The following FGD5 variants were observed in gnomAD, a reference collection of about 807,000 sequenced individuals.
FGD5 encodes FYVE, RhoGEF and PH domain containing 5, also known as FYVE, RhoGEF and PH domain-containing protein 5.
Under a neutral mutation model 133.4 loss-of-function variants are expected in FGD5, and 28 were observed. The ratio of observed to expected loss-of-function variants is 0.21; its 90% CI spans 0.16 to 0.29. FGD5 has a LOEUF of 0.29. Ranked by LOEUF, FGD5 falls within the 10% of genes least tolerant of loss-of-function variation. The pLI, the probability that FGD5 is intolerant of heterozygous loss-of-function variation, is 1.00. For synonymous variants in FGD5, 810 were observed against 776.5 expected, an observed-to-expected ratio of 1.04 and a Z score of -0.72; for missense variants, 1,858 against 1,895.2, an observed-to-expected ratio of 0.98 and a Z score of 0.36.
chr3:14,838,202 T>C (rs1391383680), intron 1 of FGD5, among the ~76,000 whole-genome samples: 5 of 152,124 alleles, frequency 3.3e-5, no homozygotes, highest in Non-Finnish European at 7.4e-5. Flanking sequence ...CTGCACTCCT[T>C]CCCCTGTTTT....
Position 14,922,904 on chromosome 3 carries a change from G to T in FGD5, c.3808-142G>T. The T allele has an allele frequency of 8.4e-7, 1 of 1,191,484 alleles. No homozygotes were observed. The highest frequency in any genetic ancestry group is 1.2e-6 in the Non-Finnish European group (1 of 836,448). The allele number at this position is 1,191,484 out of a possible 1,614,324, so 73.8% of individuals were successfully genotyped here. A position where few individuals can be genotyped will look rare whatever the true frequency, so the allele number is the denominator to read the frequency against. On this transcript the variant is annotated intron_variant, in intron 15 of 19. Coordinates refer to ENST00000285046, the MANE Select transcript of FGD5 (RefSeq NM_152536.4). This position sits in a 1 kb window ranked among gnomAD's most constrained non-coding sequence, Gnocchi z 4.1. ...GATGAAGCCTTGCCGGAAAAGTAGG[G>T]GACACGCACAGCTCCATGATCAGAA...
chr3:14,909,451 G>A (rs182385496), intron 10 of FGD5, among the ~76,000 whole-genome samples: 72 of 152,324 alleles, frequency 4.7e-4, no homozygotes, highest in Non-Finnish European at 1.5e-4. Context: ...AGGTCAAACA[G>A]GGAAATGTAT....
At chr3:14,815,414 T>C (rs1030655805), upstream of FGD5, among the ~76,000 whole-genome samples, 4 of 152,166 alleles carry the variant, frequency 2.6e-5, no homozygotes, top group African/African-American at 9.7e-5. Flanking sequence ...GCATATGATA[T>C]GTAATGTACT....
chr3:14,821,231 C>A lies in FGD5; in HGVS notation c.2160C>A (p.Ser720=). 2 of 1,613,938 alleles carry A rather than the reference C, an allele frequency of 1.2e-6. No individual in the cohort carries two copies. The highest frequency in any genetic ancestry group is 4.5e-5 in the East Asian group (2 of 44,864). ...AGCTCCGGGCTTCTGAATCCCCCTCCTCCCTCATCTTTTATAGAGATGGCA... is the reference window on the plus strand; with the variant it reads ...AGCTCCGGGCTTCTGAATCCCCCTCATCCCTCATCTTTTATAGAGATGGCA... ...TGKLRASESP[S]SLIFYRDGKR... is the part of the protein sequence containing the mutation. Residue 720 remains serine (S), a synonymous_variant, in exon 1 of 20, where the codon TCC becomes TCA. Transcript: ENST00000285046.
intron 9 of FGD5, among the ~76,000 whole-genome samples, chr3:14,907,352 G>A (rs1048332695): frequency 1.7e-4 from 26 of 152,214 alleles, no homozygotes; most frequent in Middle Eastern, 3.2e-3. Flanking sequence ...CCTCATGAGA[G>A]ACATAGGCTT....
intron 2 of FGD5, among the ~76,000 whole-genome samples, chr3:14,870,615 C>T (rs115538484): frequency 0.022 from 3,370 of 152,294 alleles, 54 homozygotes; most frequent in Non-Finnish European, 0.035. Context: ...AAGGCTCCAC[C>T]GCCCCCAGAC....
chr3:14,864,327 T>C, intron 2 of FGD5, 67 bp downstream of exon 2: 2 of 1,608,138 alleles, frequency 1.2e-6, no homozygotes, highest in African/African-American at 2.7e-5. Flanking sequence ...CTGTAACAGA[T>C]CTGCTCCTTC....
At chr3:14,829,831 G>A (rs2036672347) in intron 1 of FGD5, among the ~76,000 whole-genome samples, 1 of 152,130 alleles carries the variant, frequency 6.6e-6, no homozygotes, top group Non-Finnish European at 1.5e-5. Context: ...ACCTGTCAGT[G>A]CACCCCCAGA....
chr3:14,899,771 A>G (rs553114951), intron 7 of FGD5, among the ~76,000 whole-genome samples: 91 of 152,362 alleles, frequency 6.0e-4, no homozygotes, highest in Non-Finnish European at 6.8e-4. Flanking sequence ...AAATAAAGCA[A>G]GTTAAGGAGA....
intron 1 of FGD5, among the ~76,000 whole-genome samples, chr3:14,822,477 A>G (rs572087130): frequency 2.0e-5 from 3 of 150,730 alleles, no homozygotes; most frequent in Admixed American, 2.0e-4. Flanking sequence ...TTTAAGAGCT[A>G]CATCCAAGCT....
chr3:14,829,400 G>C (rs2036665240), intron 1 of FGD5, among the ~76,000 whole-genome samples: 1 of 152,140 alleles, frequency 6.6e-6, no homozygotes, highest in South Asian at 2.1e-4. Context: ...TGGAGGGATG[G>C]GAAGCTGGGA....
chr3:14,900,111 G>A (rs891348244), intron 7 of FGD5, among the ~76,000 whole-genome samples: 2 of 152,196 alleles, frequency 1.3e-5, no homozygotes, highest in Admixed American at 6.5e-5. Context: ...CCCCCAGTGG[G>A]CTGTGATGGA....
chr3:14,843,588 T>A (rs1015565772), intron 1 of FGD5, among the ~76,000 whole-genome samples: 12 of 150,336 alleles, frequency 8.0e-5, no homozygotes, highest in Admixed American at 3.3e-4. Flanking sequence ...GGCCAGCCCC[T>A]CCCCACCAAG....
chr3:14,915,753 C>G (rs1212699018), intron 11 of FGD5, among the ~76,000 whole-genome samples: 2 of 152,096 alleles, frequency 1.3e-5, no homozygotes, highest in Non-Finnish European at 2.9e-5. Flanking sequence ...AGGGCTCTCC[C>G]TGGTTCATGT....
At chr3:14,873,971 C>T (rs2037665519) in intron 2 of FGD5, among the ~76,000 whole-genome samples, 1 of 152,106 alleles carries the variant, frequency 6.6e-6, no homozygotes, top group African/African-American at 2.4e-5. Flanking sequence ...ATGCACCTGC[C>T]TTGGCCTCGC....
intron 1 of FGD5, among the ~76,000 whole-genome samples, chr3:14,843,698 TTTTTTG>T (rs1428672987): frequency 5.0e-5 from 7 of 141,240 alleles, no homozygotes; most frequent in Middle Eastern, 3.2e-3. Context: ...TTTTTTTTTT[TTTTTTG>T]GGGGGAGACA....
chr3:14,933,093 G>C, intron 19 of FGD5, 38 bp from the exon 20 acceptor site: 1 of 1,607,748 alleles, frequency 6.2e-7, no homozygotes, highest in Admixed American at 1.7e-5. Flanking sequence ...CATAGGCAGA[G>C]CCGCAAAACC....
chr3:14,886,472 A>G (rs1182777235), intron 4 of FGD5, among the ~76,000 whole-genome samples: 2 of 152,214 alleles, frequency 1.3e-5, no homozygotes, highest in Admixed American at 1.3e-4. Flanking sequence ...CAACTGGCAC[A>G]TCATCCTTTC....
At position 14,922,696 on chromosome 3, in the gene FGD5, T is replaced by C; in HGVS notation, c.3807+148T>C. On this transcript the variant is annotated intron_variant, in intron 15 of 19. Transcript: ENST00000285046. The surrounding 1 kb of genome is among the most constrained non-coding windows in gnomAD (Gnocchi z 4.1). ...TCACACCAACCCGAGAGGAACAGATTGCTAATTCCCATTTTATAGATCATC... is the reference window on the plus strand; with the variant it reads ...TCACACCAACCCGAGAGGAACAGATCGCTAATTCCCATTTTATAGATCATC... 8.8e-7 allele frequency: 1 copy of C among 1,141,170 alleles called. No individual in the cohort carries two copies. The highest frequency in any genetic ancestry group is 1.2e-6 in the Non-Finnish European group (1 of 821,066). 70.7% of individuals were successfully genotyped at this position (1,141,170 alleles called of 1,614,324 possible).
Sources: gnomAD v4.1 joint callset for allele counts (sites outside exome capture counted in the v4.1 genomes callset) on GRCh38, gnomAD v4.1.1 for gene constraint, Gnocchi (gnomAD v3.1) non-coding constraint, MANE v1.5 for transcripts, NCBI Gene and HGNC (gene_info 2026-07-23, HGNC 2026-07-21) for gene names.